RUNX1T1: variants seen among roughly 807,000 people sequenced by gnomAD.
RUNX1T1 encodes protein CBFA2T1.
Under a neutral mutation model 62.8 loss-of-function variants are expected in RUNX1T1, and 4 were observed. The ratio of observed to expected loss-of-function variants is 0.06; its 90% confidence interval spans 0.03 to 0.15. RUNX1T1 has a LOEUF of 0.15. RUNX1T1 is among the 10% of genes least tolerant of loss of function. The probability of loss-of-function intolerance (pLI) is 1.00; values close to 1 mark genes in which losing one functional copy is unlikely to be tolerated. For synonymous variants in RUNX1T1, 291 were observed against 286.0 expected, an observed-to-expected ratio of 1.02 and a Z score of -0.18; for missense variants, 508 against 754.3, an observed-to-expected ratio of 0.67 and a Z score of 3.82.
chr8:91,967,114 T>C (rs550221870), intron 10 of RUNX1T1, among the ~76,000 whole-genome samples: 101 of 152,318 alleles, frequency 6.6e-4, no homozygotes, highest in Non-Finnish European at 1.2e-3. Context: ...CTACCTACTT[T>C]GTCAGAGCCG....
rs537125726 is a variant in RUNX1T1, at chr8:92,031,873, C to T, written c.8-14510G>A. 5.3e-5 allele frequency among the ~76,000 whole-genome samples: 8 copies of T among 152,016 alleles called. No homozygotes were observed. The South Asian group carries it at 1.5e-3, about 28-fold the overall frequency. ...TTGGGAGGCTGAGGCGGGCGGGTCACTTGAGCCCGGGAGTTCGAGAACAGC... is the reference window on the plus strand; with the variant it reads ...TTGGGAGGCTGAGGCGGGCGGGTCATTTGAGCCCGGGAGTTCGAGAACAGC... On this transcript the variant is annotated intron_variant, in intron 1 of 10. Coordinates refer to ENST00000396218, the Ensembl canonical transcript of RUNX1T1.
At chr8:91,955,969 T>G (rs1809311858), downstream of RUNX1T1, 1 of 229,396 alleles carries the variant, frequency 4.4e-6, no homozygotes, top group African/African-American at 2.2e-5. Context: ...TAACCAAGAG[T>G]GACAATGGTA....
chr8:91,996,179 ATTTG>A (rs1024779166), intron 5 of RUNX1T1, among the ~76,000 whole-genome samples: 2 of 151,816 alleles, frequency 1.3e-5, no homozygotes, highest in Admixed American at 6.6e-5. Context: ...GTTTTATTTT[ATTTG>A]TTTTTTATTT....
chr8:92,049,730 G>A (rs1207000498), intron 1 of RUNX1T1, among the ~76,000 whole-genome samples: 2 of 152,012 alleles, frequency 1.3e-5, no homozygotes, highest in Admixed American at 6.6e-5. Flanking sequence ...ACAATAAGTC[G>A]AACTCTATTT....
chr8:92,020,638 C>G (rs369572060), intron 1 of RUNX1T1, among the ~76,000 whole-genome samples: 1 of 152,160 alleles, frequency 6.6e-6, no homozygotes, highest in Non-Finnish European at 1.5e-5. Context: ...GCGATTCATA[C>G]TACTTCTAAA....
chr8:92,044,573 C>T (rs983279766), intron 1 of RUNX1T1, among the ~76,000 whole-genome samples: 1 of 152,198 alleles, frequency 6.6e-6, no homozygotes, highest in Non-Finnish European at 1.5e-5. Flanking sequence ...GGACTCTATT[C>T]TACTTCACAT....
chr8:92,086,076 G>A (rs1175766834), intron 1 of RUNX1T1, among the ~76,000 whole-genome samples: 1 of 152,180 alleles, frequency 6.6e-6, no homozygotes, highest in African/African-American at 2.4e-5. Context: ...TACAGACAGT[G>A]CTTGGGGTAC....
chr8:91,967,917 A>T (rs2979856), intron 10 of RUNX1T1, among the ~76,000 whole-genome samples: 119,834 of 152,152 alleles, frequency 0.79, 47,305 homozygotes, highest in East Asian at 0.99. Flanking sequence ...TACTTTAGTA[A>T]ATACTGTGAT....
downstream of RUNX1T1, chr8:91,957,071 A>G (rs1305221055): frequency 4.6e-6 from 1 of 217,878 alleles, no homozygotes; most frequent in Non-Finnish European, 9.2e-6. Flanking sequence ...AGAGACAGAG[A>G]TAAGAGCTAG....
intron 5 of RUNX1T1, among the ~76,000 whole-genome samples, chr8:92,000,256 A>G (rs1346797619): frequency 6.6e-6 from 1 of 152,128 alleles, no homozygotes; most frequent in East Asian, 1.9e-4. Flanking sequence ...CAGTGAGCCC[A>G]GATCAGTCAC....
intron 6 of RUNX1T1, among the ~76,000 whole-genome samples, chr8:91,989,078 T>C (rs946589309): frequency 2.8e-4 from 42 of 152,118 alleles, no homozygotes; most frequent in African/African-American, 9.7e-4. Context: ...TGTGGGAAAT[T>C]TGACACTAAT....
intron 2 of RUNX1T1, among the ~76,000 whole-genome samples, chr8:92,074,200 C>T (rs760704274): frequency 2.0e-4 from 30 of 152,064 alleles, no homozygotes; most frequent in Non-Finnish European, 3.4e-4. Context: ...CTGGGGGTTC[C>T]GTACATGAAT....
chr8:92,100,741 A>T (rs1259841336), upstream of RUNX1T1, among the ~76,000 whole-genome samples: 2 of 152,256 alleles, frequency 1.3e-5, no homozygotes, highest in Non-Finnish European at 2.9e-5. Context: ...CCCTATCTTT[A>T]TTATCTGAAA....
chr8:91,962,090 T>C (rs567701538), intron 10 of RUNX1T1, among the ~76,000 whole-genome samples: 9 of 152,214 alleles, frequency 5.9e-5, no homozygotes, highest in Non-Finnish European at 7.4e-5. Flanking sequence ...CAAGGGAATT[T>C]TTAGCAGCCA....
chr8:92,030,503 A>C (rs751345628), intron 1 of RUNX1T1, among the ~76,000 whole-genome samples: 21 of 152,348 alleles, frequency 1.4e-4, no homozygotes, highest in Non-Finnish European at 2.4e-4. Flanking sequence ...AGGGGTTCCG[A>C]AGTTTCTTCA....
intron 1 of RUNX1T1, among the ~76,000 whole-genome samples, chr8:92,082,308 T>C (rs1835398662): frequency 1.3e-5 from 2 of 152,180 alleles, no homozygotes; most frequent in South Asian, 4.1e-4. Context: ...ACCCTGTTCA[T>C]GTAGAAAATT....
exon 8 of RUNX1T1, chr8:91,986,323 C>T (rs1816557391): frequency 1.2e-6 from 2 of 1,611,200 alleles, no homozygotes; most frequent in Non-Finnish European, 1.7e-6. Flanking sequence ...TGCAGTTTAA[C>T]AGCTATTTGG....
intron 1 of RUNX1T1, among the ~76,000 whole-genome samples, chr8:92,028,076 T>TGG (rs57015512): frequency 0.028 from 1,109 of 40,264 alleles, 42 homozygotes; most frequent in African/African-American, 0.051. Context: ...ATGGAATAAA[T>TGG]GGGGGGGGGG....
At chr8:92,103,002 G>GCC, upstream of RUNX1T1, 1 of 1,060,932 alleles carries the variant, frequency 9.4e-7, no homozygotes, top group Non-Finnish European at 1.3e-6. Context: ...GCGGCCACTC[G>GCC]CCCACGCGCG....
Sources: allele counts gnomAD v4.1 joint callset (sites outside exome capture counted in the v4.1 genomes callset), GRCh38; gene constraint gnomAD v4.1.1; transcripts MANE v1.5; gene names NCBI Gene and HGNC (gene_info 2026-07-23, HGNC 2026-07-21).